HELZ: variants seen among roughly 807,000 people sequenced by gnomAD.
The protein encoded by HELZ is helicase with zinc finger.
In HELZ, 23 loss-of-function variants were observed where a neutral mutation model predicts 218.2. The ratio of observed to expected loss-of-function variants is 0.11; its 90% CI spans 0.08 to 0.15. HELZ has a LOEUF of 0.15. HELZ is among the 10% of genes least tolerant of loss of function. The pLI is 1.00. For synonymous variants in HELZ, 814 were observed against 829.4 expected (o/e 0.98, Z 0.32); for missense variants, 1,813 against 2,353.7 (o/e 0.77, Z 4.75).
intron 24 of HELZ, among the ~76,000 whole-genome samples, chr17:67,127,194 T>TCTTCCTCTCA (rs1003665770): frequency 6.6e-6 from 1 of 152,190 alleles, no homozygotes; most frequent in Non-Finnish European, 1.5e-5. Flanking sequence ...ATTTACTTCC[T>TCTTCCTCTCA]CTTCCTCTCA....
intron 5 of HELZ, among the ~76,000 whole-genome samples, chr17:67,209,890 A>T (rs1055551443): frequency 2.0e-5 from 3 of 152,122 alleles, no homozygotes; most frequent in Non-Finnish European, 4.4e-5. Context: ...TTCCAAAAAA[A>T]TTTTTAACTA....
At chr17:67,214,448 T>C (rs572625726) in intron 5 of HELZ, among the ~76,000 whole-genome samples, 1 of 151,792 alleles carries the variant, frequency 6.6e-6, no homozygotes, top group South Asian at 2.1e-4. Context: ...GTATTTTTAG[T>C]AGAGATGGGG....
rs149193787 is a variant in HELZ at position 67,163,526 on chromosome 17, G to A, written c.1896-2450C>T. ...CCATTCTCCTGCCTCAGCCTCCCGA[G>A]TAGCTGGGACTACAGGTGCCCACCA... On this transcript the variant is annotated intron_variant, in intron 15 of 32. Coordinates refer to ENST00000358691, the MANE Select transcript of HELZ (RefSeq NM_014877.4). Among the ~76,000 whole-genome samples the A allele has an allele frequency of 8.3e-3, 1,268 of 152,032 alleles. 66 individuals are homozygous for A. The East Asian group carries it at 0.14, about 17-fold the overall frequency.
intron 31 of HELZ, among the ~76,000 whole-genome samples, chr17:67,098,714 G>A (rs1020021358): frequency 3.3e-5 from 5 of 152,070 alleles, no homozygotes; most frequent in Non-Finnish European, 7.4e-5. Flanking sequence ...ACTGCACTCC[G>A]GCCTGGGTGA....
At chr17:67,080,886 G>T (rs918331277) in intron 32 of HELZ, among the ~76,000 whole-genome samples, 1 of 152,102 alleles carries the variant, frequency 6.6e-6, no homozygotes, top group African/African-American at 2.4e-5. Flanking sequence ...ACAATCTCTC[G>T]GTTTCTGTGC....
intron 32 of HELZ, among the ~76,000 whole-genome samples, chr17:67,084,176 T>C (rs2036282645): frequency 1.3e-5 from 2 of 152,240 alleles, no homozygotes; most frequent in Non-Finnish European, 2.9e-5. Flanking sequence ...AATTTTTTAA[T>C]GCTAAACTAA....
chr17:67,152,413 CCAA>C (rs1329043245), intron 17 of HELZ, among the ~76,000 whole-genome samples: 3 of 151,902 alleles, frequency 2.0e-5, no homozygotes, highest in Non-Finnish European at 4.4e-5. Flanking sequence ...TTGGATTAGG[CCAA>C]CAATAGAGAT....
chr17:67,211,794 G>A (rs987218433), intron 5 of HELZ, among the ~76,000 whole-genome samples: 8 of 152,164 alleles, frequency 5.3e-5, no homozygotes, highest in African/African-American at 1.9e-4. Context: ...CCGTAAGGCA[G>A]AGGTTGCAGT....
chr17:67,238,349 CA>C (rs71368808), intron 3 of HELZ, among the ~76,000 whole-genome samples: 366 of 46,954 alleles, frequency 7.8e-3, no homozygotes, highest in South Asian at 0.032. Flanking sequence ...CTCTGTCTCT[CA>C]AAAAAAAAAA....
In HELZ at chr17:67,178,768, G is replaced by T; in HGVS notation, c.1321C>A (p.Leu441Ile). The T allele has an allele frequency of 6.2e-7, 1 of 1,613,942 alleles. No individual in the cohort carries two copies. Among genetic ancestry groups the T allele is most frequent in the Non-Finnish European group, 8.5e-7 (1 of 1,179,900 alleles). Reference sequence around the variant, plus strand: ...TTGTCTAAAACGGACTGAGTAAATAGCTGGTCAGCAGAGAGGGGAATTTGG... The same window carrying T: ...TTGTCTAAAACGGACTGAGTAAATATCTGGTCAGCAGAGAGGGGAATTTGG... ...RYQIPLSADQLFTQSVLDKSL... is the reference protein window; with the variant it reads ...RYQIPLSADQIFTQSVLDKSL... Residue 441 changes from leucine to isoleucine, a missense_variant, in exon 13 of 33, where the codon CTA (leucine) becomes ATA (isoleucine). Leu to Ile is a conservative substitution (Grantham distance 5). This residue lies in a region of HELZ where 714 missense variants were observed against 1,029.2 expected (regional missense o/e 0.69). Transcript: ENST00000358691.
At position 67,072,860 on chromosome 17, in the gene HELZ, CCCAGTGATTTTCAAA is replaced by C. The variant is rs2035927782; in HGVS notation, c.*5377_*5391del. 6.6e-6 allele frequency: 1 copy of C among 152,206 alleles called. No individual in the cohort carries two copies. The highest frequency in any genetic ancestry group is 1.5e-5 in the Non-Finnish European group (1 of 68,050). The allele number at this position is 152,206 out of a possible 1,614,324, so 9.4% of individuals were successfully genotyped here. ...AGACTTTCAAACTGCGAGAATCAGACCCAGTGATTTTCAAAGTGTGGTTCCTGGACTGGCAGCATC... is the reference window on the plus strand; with the variant it reads ...AGACTTTCAAACTGCGAGAATCAGACGTGTGGTTCCTGGACTGGCAGCATC... On this transcript the variant is annotated 3_prime_UTR_variant, in exon 33 of 33. Coordinates refer to ENST00000358691, the MANE Select transcript of HELZ (RefSeq NM_014877.4).
chr17:67,111,908 G>A (rs1244705538), intron 28 of HELZ, among the ~76,000 whole-genome samples: 1 of 152,136 alleles, frequency 6.6e-6, no homozygotes, highest in African/African-American at 2.4e-5. Flanking sequence ...GCATAGTTTG[G>A]TCACATGAAG....
At chr17:67,081,186 C>A (rs2036178161) in intron 32 of HELZ, among the ~76,000 whole-genome samples, 1 of 152,172 alleles carries the variant, frequency 6.6e-6, no homozygotes, top group Admixed American at 6.5e-5. Context: ...AGTAGAAGGA[C>A]CTTGGGCCCT....
At chr17:67,099,068 T>C (rs1349097262) in intron 31 of HELZ, among the ~76,000 whole-genome samples, 1 of 152,246 alleles carries the variant, frequency 6.6e-6, no homozygotes, top group Non-Finnish European at 1.5e-5. Context: ...ATCAACACTG[T>C]AGCTTTGTGG....
chr17:67,089,393 A>G (rs1003605901), intron 31 of HELZ, among the ~76,000 whole-genome samples: 1 of 151,988 alleles, frequency 6.6e-6, no homozygotes, highest in African/African-American at 2.4e-5. Flanking sequence ...ATTCAATTAA[A>G]CTTTACAGAA....
intron 9 of HELZ, 64 bp from the exon 10 acceptor site, chr17:67,190,419 C>T: frequency 8.1e-7 from 1 of 1,237,616 alleles, no homozygotes; most frequent in Non-Finnish European, 1.2e-6. Flanking sequence ...AATAAACTCC[C>T]AGCATTTGCC....
At chr17:67,230,466 G>A (rs2041006551) in intron 3 of HELZ, among the ~76,000 whole-genome samples, 4 of 152,018 alleles carry the variant, frequency 2.6e-5, no homozygotes, top group Middle Eastern at 3.4e-3. Context: ...GGTTGGTGGT[G>A]CATTCCTGTA....
intron 3 of HELZ, among the ~76,000 whole-genome samples, chr17:67,236,056 A>G (rs1186471449): frequency 9.2e-5 from 14 of 152,164 alleles, no homozygotes; most frequent in Middle Eastern, 3.4e-3. Flanking sequence ...CACTGCACCC[A>G]GCCTCGACCA....
In HELZ at chr17:67,161,180, T is replaced by G; in HGVS notation, c.1896-104A>C. ...CAGTGAACCATTAAAACCACTGAAA[T>G]AGCATAGCATCTATAAAAACAAATG... On this transcript the variant is annotated intron_variant, in intron 15 of 32. Coordinates refer to ENST00000358691, the MANE Select transcript of HELZ (RefSeq NM_014877.4). 4 of 769,508 alleles carry G rather than the reference T, an allele frequency of 5.2e-6. No individual in the cohort carries two copies. The South Asian group carries it at 9.1e-5, about 18-fold the overall frequency. 47.7% of individuals were successfully genotyped at this position (769,508 alleles called of 1,614,324 possible). A position where few individuals can be genotyped will look rare whatever the true frequency, so the allele number is the denominator to read the frequency against.
Sources: allele counts gnomAD v4.1 joint callset (sites outside exome capture counted in the v4.1 genomes callset), GRCh38; gene constraint gnomAD v4.1.1; regional missense constraint gnomAD v4.1.1; transcripts MANE v1.5; gene names NCBI Gene and HGNC (gene_info 2026-07-23, HGNC 2026-07-21).